KHDRBS2: variants seen among roughly 807,000 people sequenced by gnomAD.
The protein encoded by KHDRBS2 is KH RNA binding domain containing, signal transduction associated 2.
A neutral mutation model predicts 44.3 loss-of-function variants in KHDRBS2; 26 were observed. That is an observed-to-expected ratio of 0.59 (90% confidence interval 0.43 to 0.81). The LOEUF is 0.81. Ranked by LOEUF, KHDRBS2 falls within the 40% of genes least tolerant of loss-of-function variation. The pLI is 0.00. For synonymous variants in KHDRBS2, 194 were observed against 151.1 expected, an observed-to-expected ratio of 1.28 and a Z score of -2.08; for missense variants, 476 against 433.1, an observed-to-expected ratio of 1.10 and a Z score of -0.88.
intron 3 of KHDRBS2, among the ~76,000 whole-genome samples, chr6:61,992,193 C>G (rs1322443381): frequency 6.6e-6 from 1 of 152,154 alleles, no homozygotes; most frequent in Admixed American, 6.5e-5. Flanking sequence ...CAAGTCTTGG[C>G]TAACATCTTG....
chr6:61,628,210 CTTTTTTTTT>C, the KHDRBS2 span, among the ~76,000 whole-genome samples: 1 of 82,312 alleles, frequency 1.2e-5, no homozygotes, highest in African/African-American at 5.5e-5. Flanking sequence ...CATGTGTAGC[CTTTTTTTTT>C]TTTTTTTTTT....
chr6:62,093,252 T>C (rs1005599981), intron 2 of KHDRBS2, among the ~76,000 whole-genome samples: 1 of 151,260 alleles, frequency 6.6e-6, no homozygotes, highest in Admixed American at 6.6e-5. Context: ...AAAGAAGGAA[T>C]ATGCAAAACA....
Position 62,233,450 on chromosome 6 carries a change from T to C in KHDRBS2, c.91+52408A>G, listed in dbSNP as rs941742161. ...ACATTTAAAGGAGATTTAATCTAAG[T>C]TGTCTTTAGTAACAGCATAGTTAAC... On this transcript the variant is annotated intron_variant, in intron 1 of 8. Transcript: ENST00000281156. Among the ~76,000 whole-genome samples the C allele has an allele frequency of 3.3e-5, 5 of 152,182 alleles. 1 individual carries two copies. The highest frequency in any genetic ancestry group is 9.6e-5 in the African/African-American group (4 of 41,468).
chr6:61,607,929 C>T, the KHDRBS2 span, among the ~76,000 whole-genome samples: 1 of 152,154 alleles, frequency 6.6e-6, no homozygotes, highest in Non-Finnish European at 1.5e-5. Context: ...CTCAAGTGAT[C>T]CGCCTACCTT....
chr6:62,025,094 TG>T (rs1182081645), intron 3 of KHDRBS2, among the ~76,000 whole-genome samples: 5 of 151,772 alleles, frequency 3.3e-5, no homozygotes, highest in Admixed American at 1.3e-4. Flanking sequence ...ATCACTCTAA[TG>T]AATAGCAAAT....
the KHDRBS2 span, among the ~76,000 whole-genome samples, chr6:61,615,490 A>T: frequency 4.6e-5 from 7 of 152,156 alleles, no homozygotes; most frequent in African/African-American, 1.2e-4. Context: ...AAATGAAGAA[A>T]CAAGTAGTAG....
the KHDRBS2 span, among the ~76,000 whole-genome samples, chr6:61,607,584 T>TA: frequency 1.3e-3 from 168 of 129,600 alleles, no homozygotes; most frequent in African/African-American, 4.5e-3. Context: ...TGCCAAAGAT[T>TA]AAAAAAATCT....
At chr6:61,845,010 A>T (rs1334442917) in intron 6 of KHDRBS2, among the ~76,000 whole-genome samples, 1 of 152,190 alleles carries the variant, frequency 6.6e-6, no homozygotes, top group Non-Finnish European at 1.5e-5. Flanking sequence ...TAAATATTAC[A>T]TGCTTAGAAG....
the KHDRBS2 span, among the ~76,000 whole-genome samples, chr6:61,581,962 G>A: frequency 5.9e-5 from 9 of 151,656 alleles, no homozygotes; most frequent in South Asian, 4.1e-4. Flanking sequence ...AGTAACAAGG[G>A]TGTAAAGGGA....
At chr6:61,783,680 T>G (rs571208290) in intron 6 of KHDRBS2, among the ~76,000 whole-genome samples, 2 of 152,138 alleles carry the variant, frequency 1.3e-5, no homozygotes, top group African/African-American at 4.8e-5. Flanking sequence ...ATGAAAAAAT[T>G]TAGAACCCCA....
intron 4 of KHDRBS2, among the ~76,000 whole-genome samples, chr6:61,919,504 C>A (rs1489366296): frequency 5.3e-5 from 8 of 151,838 alleles, no homozygotes; most frequent in Admixed American, 4.6e-4. Flanking sequence ...ATGTCACAAT[C>A]ATTTTTGTAA....
chr6:61,785,353 A>G (rs1783639092), intron 6 of KHDRBS2, among the ~76,000 whole-genome samples: 1 of 152,150 alleles, frequency 6.6e-6, no homozygotes, highest in Non-Finnish European at 1.5e-5. Flanking sequence ...GAAAAGTAAT[A>G]TTCCTATTTT....
chr6:62,163,659 A>G (rs1818102066), intron 2 of KHDRBS2, among the ~76,000 whole-genome samples: 1 of 151,998 alleles, frequency 6.6e-6, no homozygotes, highest in Non-Finnish European at 1.5e-5. Flanking sequence ...CAGATAAAAG[A>G]AAGTGAATTA....
At chr6:61,960,768 T>C (rs1768503101) in intron 4 of KHDRBS2, among the ~76,000 whole-genome samples, 1 of 152,150 alleles carries the variant, frequency 6.6e-6, no homozygotes, top group Non-Finnish European at 1.5e-5. Context: ...AGACATTATG[T>C]ACATTTGAGA....
At chr6:61,575,409 C>T in the KHDRBS2 span, among the ~76,000 whole-genome samples, 1 of 152,090 alleles carries the variant, frequency 6.6e-6, no homozygotes, top group African/African-American at 2.4e-5. Flanking sequence ...CAATGAGATA[C>T]CACCTTACTC....
intron 1 of KHDRBS2, among the ~76,000 whole-genome samples, chr6:62,257,737 T>C (rs1023003434): frequency 9.9e-5 from 15 of 151,946 alleles, no homozygotes; most frequent in African/African-American, 3.1e-4. Context: ...CTGACCTACT[T>C]TAAGAGTTTT....
chr6:62,051,310 A>G (rs545559801), intron 2 of KHDRBS2, among the ~76,000 whole-genome samples: 3 of 152,088 alleles, frequency 2.0e-5, no homozygotes, highest in Non-Finnish European at 4.4e-5. Flanking sequence ...CATGTAAAAT[A>G]TTTTTGAAAT....
chr6:61,691,349 A>G (rs1172539570), intron 8 of KHDRBS2, among the ~76,000 whole-genome samples: 2 of 152,102 alleles, frequency 1.3e-5, no homozygotes, highest in East Asian at 1.9e-4. Flanking sequence ...TTAGATATCA[A>G]TCTAATGGCA....
At chr6:61,891,823 C>G (rs1391430745) in intron 6 of KHDRBS2, among the ~76,000 whole-genome samples, 1 of 152,146 alleles carries the variant, frequency 6.6e-6, no homozygotes, top group Non-Finnish European at 1.5e-5. Context: ...TGGAAGTATT[C>G]CCTTTGAAAA....
Sources: gnomAD v4.1 joint callset for allele counts (sites outside exome capture counted in the v4.1 genomes callset) on GRCh38, gnomAD v4.1.1 for gene constraint, MANE v1.5 for transcripts, NCBI Gene and HGNC (gene_info 2026-07-23, HGNC 2026-07-21) for gene names.